B3GLCT: variants seen among roughly 807,000 people sequenced by gnomAD.
B3GLCT encodes beta 3-glucosyltransferase.
Under a neutral mutation model 63.4 loss-of-function variants are expected in B3GLCT, and 65 were observed. The ratio of observed to expected loss-of-function variants is 1.03; its 90% confidence interval spans 0.84 to 1.26. The LOEUF (loss-of-function observed/expected upper bound fraction) is 1.26. Ranked by LOEUF, B3GLCT falls within the 50% of genes most tolerant of loss-of-function variation. The pLI is 0.00. For missense variants in B3GLCT, 577 were observed against 604.8 expected (o/e 0.95, Z 0.48); for synonymous variants, 233 against 219.2 (o/e 1.06, Z -0.55).
chr13:31,239,632 T>C (rs1038422807), intron 4 of B3GLCT, among the ~76,000 whole-genome samples: 2 of 151,738 alleles, frequency 1.3e-5, no homozygotes, highest in Non-Finnish European at 1.5e-5. Flanking sequence ...CTAGAGATGA[T>C]ACTATTAAGT....
intron 14 of B3GLCT, among the ~76,000 whole-genome samples, chr13:31,328,800 A>G (rs1158263619): frequency 6.6e-6 from 1 of 151,350 alleles, no homozygotes; most frequent in African/African-American, 2.4e-5. Flanking sequence ...CCTATATGCT[A>G]CTTCTTCAAT....
At chr13:31,328,801 C>T (rs1366001403) in intron 14 of B3GLCT, among the ~76,000 whole-genome samples, 3 of 148,430 alleles carry the variant, frequency 2.0e-5, no homozygotes, top group Non-Finnish European at 4.5e-5. Flanking sequence ...CTATATGCTA[C>T]TTCTTCAATC....
intron 1 of B3GLCT, among the ~76,000 whole-genome samples, chr13:31,203,799 C>G (rs1183576282): frequency 6.6e-6 from 1 of 152,180 alleles, no homozygotes; most frequent in African/African-American, 2.4e-5. Context: ...GTTCATCAGA[C>G]CTATTGAGGA....
intron 7 of B3GLCT, among the ~76,000 whole-genome samples, chr13:31,266,186 G>A: frequency 6.6e-6 from 1 of 152,046 alleles, no homozygotes; most frequent in Non-Finnish European, 1.5e-5. Flanking sequence ...TTTTAGTAGA[G>A]ACGGGGTTTC....
chr13:31,279,955 A>G (rs1872982342), intron 10 of B3GLCT, among the ~76,000 whole-genome samples: 1 of 152,212 alleles, frequency 6.6e-6, no homozygotes, highest in Admixed American at 6.5e-5. Flanking sequence ...GAAGTGAAAT[A>G]TGGCTCTGTT....
chr13:31,224,576 C>T (rs529408574), intron 3 of B3GLCT, among the ~76,000 whole-genome samples: 6 of 152,124 alleles, frequency 3.9e-5, no homozygotes, highest in East Asian at 3.9e-4. Context: ...TTCAGGGCAC[C>T]GAGAGCATGG....
rs753372166 is a variant in B3GLCT at position 31,269,199 on chromosome 13, GTC to G, written c.597-11_597-10del. The G allele has an allele frequency of 5.7e-6, 9 of 1,590,612 alleles. No homozygotes were observed. The highest frequency in any genetic ancestry group is 3.3e-5 in the South Asian group (3 of 90,526). On this transcript the variant is annotated splice_polypyrimidine_tract_variant and intron_variant, in intron 7 of 14. Transcript: ENST00000343307. ...TCTTTTGGTTAAAAAAAATCAAATT[GTC>G]TCTATTTTCTAGGCTTACCAAGAGA...
intron 4 of B3GLCT, among the ~76,000 whole-genome samples, chr13:31,233,382 A>G (rs577504903): frequency 6.6e-6 from 1 of 152,322 alleles, no homozygotes; most frequent in South Asian, 2.1e-4. Flanking sequence ...CACAGACAAC[A>G]TAACAGTGAC....
At chr13:31,316,611 A>T (rs1269046654) in intron 12 of B3GLCT, among the ~76,000 whole-genome samples, 1 of 150,840 alleles carries the variant, frequency 6.6e-6, no homozygotes, top group East Asian at 2.0e-4. Context: ...GAACAGGAAT[A>T]TTTACCCCCT....
At chr13:31,325,360 A>T (rs989296070) in intron 14 of B3GLCT, among the ~76,000 whole-genome samples, 7 of 152,216 alleles carry the variant, frequency 4.6e-5, no homozygotes, top group African/African-American at 1.7e-4. Context: ...GCTCTGTCTC[A>T]TGGTGTTTCA....
chr13:31,289,092 G>C (rs1199481585), intron 12 of B3GLCT, among the ~76,000 whole-genome samples: 10 of 151,706 alleles, frequency 6.6e-5, no homozygotes, highest in Admixed American at 6.6e-4. Context: ...ATTCATTGAA[G>C]GAAATACAAA....
chr13:31,235,582 A>G (rs1870609300), intron 4 of B3GLCT, among the ~76,000 whole-genome samples: 1 of 152,134 alleles, frequency 6.6e-6, no homozygotes, highest in Non-Finnish European at 1.5e-5. Flanking sequence ...CTGGTCTCAG[A>G]CTGCCTGACT....
intron 14 of B3GLCT, among the ~76,000 whole-genome samples, chr13:31,327,040 T>C (rs1036794011): frequency 2.8e-4 from 42 of 152,182 alleles, no homozygotes; most frequent in African/African-American, 9.9e-4. Flanking sequence ...GCTTTTACAG[T>C]AGTCCTTCCT....
At chr13:31,295,050 A>C (rs1182419959) in intron 12 of B3GLCT, among the ~76,000 whole-genome samples, 3 of 150,536 alleles carry the variant, frequency 2.0e-5, no homozygotes, top group Non-Finnish European at 3.0e-5. Context: ...TTTGTTAGTT[A>C]TCCTTCTAAC....
In B3GLCT at chr13:31,330,219, A is replaced by T. The variant is rs1180226159; in HGVS notation, c.*551A>T. 6.6e-6 allele frequency: 1 copy of T among 151,752 alleles called. No individual in the cohort carries two copies. Among genetic ancestry groups the T allele is most frequent in the Non-Finnish European group, 1.5e-5 (1 of 68,962 alleles). 9.4% of individuals were successfully genotyped at this position (151,752 alleles called of 1,614,324 possible). A position where few individuals can be genotyped will look rare whatever the true frequency, so the allele number is the denominator to read the frequency against. The stretch of plus-strand genomic sequence containing the variant: ...TAAGGAATAATACTGTACATAAAAC[A>T]TCATGAAACCCTAGATATGAAATCC... On this transcript the variant is annotated 3_prime_UTR_variant, in exon 15 of 15. Coordinates refer to ENST00000343307, the MANE Select transcript of B3GLCT (RefSeq NM_194318.4).
At chr13:31,216,570 A>G (rs556719537) in intron 2 of B3GLCT, among the ~76,000 whole-genome samples, 2 of 152,278 alleles carry the variant, frequency 1.3e-5, no homozygotes, top group Admixed American at 1.3e-4. Flanking sequence ...ATAGTACCCA[A>G]TAGGTAGTTT....
At chr13:31,246,917 T>A in intron 4 of B3GLCT, 106 bp from the exon 5 acceptor site, 1 of 891,606 alleles carries the variant, frequency 1.1e-6, no homozygotes. Context: ...AAGCCAAGCC[T>A]TTTCTTTTTT....
intron 12 of B3GLCT, among the ~76,000 whole-genome samples, chr13:31,305,329 A>G (rs1874369041): frequency 8.5e-6 from 1 of 117,402 alleles, no homozygotes; most frequent in Non-Finnish European, 1.8e-5. Context: ...AACTAAAATC[A>G]GAGCAGAATG....
chr13:31,318,086 A>C (rs969267437), intron 13 of B3GLCT, among the ~76,000 whole-genome samples: 2 of 152,186 alleles, frequency 1.3e-5, no homozygotes, highest in African/African-American at 4.8e-5. Context: ...ATAGAAGCTT[A>C]CTTAGGCAAT....
Sources: allele counts gnomAD v4.1 joint callset (sites outside exome capture counted in the v4.1 genomes callset), GRCh38; gene constraint gnomAD v4.1.1; transcripts MANE v1.5; gene names NCBI Gene and HGNC (gene_info 2026-07-23, HGNC 2026-07-21).